SCD5: variants seen among roughly 807,000 people sequenced by gnomAD.
SCD5 encodes the protein stearoyl-CoA desaturase 5.
SCD5 carries 20 observed loss-of-function variants against 30.4 expected under a neutral mutation model. The observed-to-expected ratio is 0.66, with a 90% CI of 0.46 to 0.96. The LOEUF is 0.96. Ranked by LOEUF, SCD5 falls within the 40% of genes least tolerant of loss-of-function variation. The pLI is 0.00. For missense variants in SCD5, 381 were observed against 443.3 expected (o/e 0.86, Z 1.26); for synonymous variants, 173 against 176.4 (o/e 0.98, Z 0.16).
Position 82,705,415 on chromosome 4 carries a change from T to C in SCD5, c.233-2A>G. On this transcript the variant is annotated splice_acceptor_variant, in intron 1 of 4. Coordinates refer to ENST00000319540, the MANE Select transcript of SCD5 (RefSeq NM_001037582.3). LOFTEE classifies it high-confidence loss of function. ...CGGCCAGGAGGAAGCAGAAGTAGGC[T>C]GCAAGACACAAGCAGGGACAACGTC... is the stretch of plus-strand genomic sequence containing the variant. The C allele has an allele frequency of 6.2e-7, 1 of 1,614,116 alleles. No individual in the cohort carries two copies. The highest frequency in any genetic ancestry group is 1.1e-5 in the South Asian group (1 of 91,076).
intron 1 of SCD5, among the ~76,000 whole-genome samples, chr4:82,746,648 A>G (rs1720986933): frequency 6.6e-6 from 1 of 152,132 alleles, no homozygotes; most frequent in African/African-American, 2.4e-5. Context: ...GTGACTGACA[A>G]GGTAAAGGCA....
At chr4:82,686,952 CT>C (rs551823184) in intron 2 of SCD5, among the ~76,000 whole-genome samples, 95 of 152,268 alleles carry the variant, frequency 6.2e-4, no homozygotes, top group Non-Finnish European at 1.2e-3. Context: ...AGGAGGATCA[CT>C]TGAGATCAGG....
intron 2 of SCD5, among the ~76,000 whole-genome samples, chr4:82,690,915 C>T (rs1454926295): frequency 6.6e-6 from 1 of 152,202 alleles, no homozygotes; most frequent in Non-Finnish European, 1.5e-5. Flanking sequence ...ATGAAGTCAA[C>T]ATAAGCGAAA....
intron 4 of SCD5, 138 bp downstream of exon 4, chr4:82,636,453 A>G (rs1727432105): frequency 3.7e-5 from 6 of 160,752 alleles, no homozygotes; most frequent in South Asian, 2.8e-4. Flanking sequence ...TCTATCTCGG[A>G]AAAAAAAAAA....
At chr4:82,698,441 C>T (rs546370502) in intron 2 of SCD5, among the ~76,000 whole-genome samples, 16 of 152,320 alleles carry the variant, frequency 1.1e-4, no homozygotes, top group African/African-American at 3.8e-4. Context: ...GGTCTATTAT[C>T]CTGAAACAGG....
At chr4:82,668,282 A>T (rs1238417879) in intron 3 of SCD5, among the ~76,000 whole-genome samples, 1 of 152,170 alleles carries the variant, frequency 6.6e-6, no homozygotes, top group African/African-American at 2.4e-5. Context: ...GAACCGAGAA[A>T]CAGATCAGTG....
chr4:82,762,662 T>G (rs749466720), intron 1 of SCD5, among the ~76,000 whole-genome samples: 1 of 152,146 alleles, frequency 6.6e-6, no homozygotes, highest in Non-Finnish European at 1.5e-5. Context: ...AGGCCACTTG[T>G]TGTGGGTGGA....
In SCD5 at chr4:82,679,764, C is replaced by T. The variant is rs115909527; in HGVS notation, c.569+943G>A. The stretch of plus-strand genomic sequence containing the variant: ...GGAGAGGCTTTGGGGGGAAAGAGCA[C>T]AGTCCTAAGCCATCCTTCCTTTCAT... On this transcript the variant is annotated intron_variant, in intron 3 of 4. Transcript: ENST00000319540. Among the ~76,000 whole-genome samples, 950 of 152,268 alleles carry T rather than the reference C, an allele frequency of 6.2e-3. 9 individuals are homozygous for T. The highest frequency in any genetic ancestry group is 0.022 in the African/African-American group (907 of 41,550).
chr4:82,727,423 G>T (rs1466854365), intron 1 of SCD5, among the ~76,000 whole-genome samples: 2 of 152,148 alleles, frequency 1.3e-5, no homozygotes, highest in Non-Finnish European at 2.9e-5. Context: ...TGAGTATACA[G>T]GTCCCACTCC....
intron 3 of SCD5, among the ~76,000 whole-genome samples, chr4:82,642,162 CT>C (rs1727559455): frequency 6.6e-6 from 1 of 151,934 alleles, no homozygotes; most frequent in African/African-American, 2.4e-5. Context: ...TTTATAACCT[CT>C]TTTGCAGGAC....
At chr4:82,778,431 A>G (rs754492891) in intron 1 of SCD5, among the ~76,000 whole-genome samples, 1 of 152,250 alleles carries the variant, frequency 6.6e-6, no homozygotes, top group Non-Finnish European at 1.5e-5. Flanking sequence ...ACAGTTCTAC[A>G]GATTAGAAGC....
rs115277044 is a variant in SCD5 at position 82,680,783 on chromosome 4, G to A, written c.493C>T (p.Arg165Ter). ...HIGWLFVRKH[R>*]DVIEKGRKLD... Reference sequence around the variant, plus strand: ...TTTCTCCCCTTCTCAATAACATCTCGATGCTTGCGAACAAACAGCCACCCA... The same window carrying A: ...TTTCTCCCCTTCTCAATAACATCTCAATGCTTGCGAACAAACAGCCACCCA... Residue 165 changes from arginine to a stop codon, truncating the protein, a stop_gained, in exon 3 of 5, where the codon CGA becomes TGA. Coordinates refer to ENST00000319540, the MANE Select transcript of SCD5 (RefSeq NM_001037582.3). LOFTEE classifies it high-confidence loss of function. 5 of 1,613,700 alleles carry A rather than the reference G, an allele frequency of 3.1e-6. No homozygotes were observed. Among genetic ancestry groups the A allele is most frequent in the Non-Finnish European group, 8.5e-7 (1 of 1,180,024 alleles).
intron 1 of SCD5, among the ~76,000 whole-genome samples, chr4:82,706,064 C>T (rs1719962068): frequency 6.6e-6 from 1 of 152,196 alleles, no homozygotes; most frequent in South Asian, 2.1e-4. Flanking sequence ...AACAATCTGC[C>T]CACAAATCAC....
At chr4:82,706,131 G>A (rs1331742697) in intron 1 of SCD5, among the ~76,000 whole-genome samples, 1 of 152,070 alleles carries the variant, frequency 6.6e-6, no homozygotes, top group African/African-American at 2.4e-5. Flanking sequence ...ATTTAACCTT[G>A]GTCATGAGTC....
chr4:82,681,926 G>A (rs1354657624), intron 2 of SCD5, among the ~76,000 whole-genome samples: 2 of 152,154 alleles, frequency 1.3e-5, no homozygotes, highest in Non-Finnish European at 2.9e-5. Context: ...GACTCACAGA[G>A]ATCAGGAAGC....
At chr4:82,726,625 C>A (rs1447637625) in intron 1 of SCD5, among the ~76,000 whole-genome samples, 2 of 151,574 alleles carry the variant, frequency 1.3e-5, no homozygotes, top group Non-Finnish European at 2.9e-5. Context: ...AGAACACACA[C>A]AAATATGACT....
intron 3 of SCD5, among the ~76,000 whole-genome samples, chr4:82,677,371 T>C (rs1405517881): frequency 6.6e-6 from 1 of 152,206 alleles, no homozygotes; most frequent in Admixed American, 6.5e-5. Context: ...GCTGGGCACC[T>C]TCTTCTGTTA....
At chr4:82,633,981 C>T (rs1727372733) in intron 4 of SCD5, among the ~76,000 whole-genome samples, 1 of 151,872 alleles carries the variant, frequency 6.6e-6, no homozygotes, top group Non-Finnish European at 1.5e-5. Context: ...ATTTCAGACA[C>T]TTCATAAAAA....
rs1156593225 is a variant in SCD5 at position 82,705,368 on chromosome 4, G to A, written c.278C>T (p.Ala93Val). Reference protein sequence around the residue: ...LLAALGVTAGAHRLWSHRSYR... With the variant: ...LLAALGVTAGVHRLWSHRSYR... The stretch of plus-strand genomic sequence containing the variant: ...GGACCTGTGGCTCCACAAGCGATGG[G>A]CACCAGCTGTCACACCCAGAGCGGC... Residue 93 changes from alanine to valine, a missense_variant, in exon 2 of 5, where the codon GCC (alanine) becomes GTC (valine). By Grantham distance (64) the Ala-to-Val change is moderately conservative (BLOSUM62 0). Transcript: ENST00000319540. 1.2e-6 allele frequency: 2 copies of A among 1,614,216 alleles called. No individual in the cohort carries two copies. The highest frequency in any genetic ancestry group is 2.2e-5 in the East Asian group (1 of 44,872).
Sources: allele counts gnomAD v4.1 joint callset (sites outside exome capture counted in the v4.1 genomes callset), GRCh38; gene constraint gnomAD v4.1.1; transcripts MANE v1.5; gene names NCBI Gene and HGNC (gene_info 2026-07-23, HGNC 2026-07-21).